The following WDR49 variants were observed in gnomAD, a reference collection of about 807,000 sequenced individuals.
WDR49 encodes WD repeat domain 49, also known as cilia- and flagella-associated protein 337.
Under a neutral mutation model 119.5 loss-of-function variants are expected in WDR49, and 107 were observed. The ratio of observed to expected loss-of-function variants is 0.90; its 90% CI spans 0.77 to 1.05. The LOEUF is 1.05. Ranked by LOEUF, WDR49 falls within the 50% of genes least tolerant of loss-of-function variation. WDR49 has a pLI of 0.00. For synonymous variants in WDR49, 425 were observed against 418.8 expected, an observed-to-expected ratio of 1.01 and a Z score of -0.18; for missense variants, 1,240 against 1,220.5, an observed-to-expected ratio of 1.02 and a Z score of -0.24.
chr3:167,503,481 C>T (rs547296053), intron 17 of WDR49, among the ~76,000 whole-genome samples: 10 of 152,168 alleles, frequency 6.6e-5, no homozygotes, highest in South Asian at 6.2e-4. Context: ...ATGGGCCATG[C>T]GGTGAGTGTT....
chr3:167,545,644 T>C (rs1190235918), intron 10 of WDR49, among the ~76,000 whole-genome samples: 2 of 150,042 alleles, frequency 1.3e-5, no homozygotes, highest in African/African-American at 4.9e-5. Context: ...TTCTCACTTA[T>C]AAGTGGAAGC....
At chr3:167,503,898 G>A (rs1818851) in intron 17 of WDR49, among the ~76,000 whole-genome samples, 8,415 of 152,284 alleles carry the variant, frequency 0.055, 827 homozygotes, top group African/African-American at 0.19. Flanking sequence ...TGTCCCTCCC[G>A]CTGTGCTCTC....
chr3:167,608,474 T>C (rs1324573016), intron 5 of WDR49, among the ~76,000 whole-genome samples: 1 of 152,140 alleles, frequency 6.6e-6, no homozygotes, highest in Admixed American at 6.5e-5. Flanking sequence ...AATCTGCAGG[T>C]TACAAAACGA....
At chr3:167,572,960 G>A (rs898855671) in intron 8 of WDR49, among the ~76,000 whole-genome samples, 18 of 152,190 alleles carry the variant, frequency 1.2e-4, no homozygotes, top group African/African-American at 4.1e-4. Flanking sequence ...GCAGTTCAGG[G>A]TACCCTCCCC....
chr3:167,585,047 T>A (rs1378938951), intron 7 of WDR49, among the ~76,000 whole-genome samples: 1 of 152,050 alleles, frequency 6.6e-6, no homozygotes, highest in African/African-American at 2.4e-5. Flanking sequence ...CATTCAAAAG[T>A]TTTAAATATT....
intron 10 of WDR49, among the ~76,000 whole-genome samples, chr3:167,550,379 G>C (rs1577233539): frequency 6.6e-6 from 1 of 151,956 alleles, no homozygotes; most frequent in Non-Finnish European, 1.5e-5. Flanking sequence ...TTGAGCAGTG[G>C]TTTGTAGTTC....
chr3:167,487,104 C>T (rs1424242418), intron 18 of WDR49, among the ~76,000 whole-genome samples: 1 of 152,046 alleles, frequency 6.6e-6, no homozygotes, highest in Non-Finnish European at 1.5e-5. Context: ...AAGCTAGAGG[C>T]ATCACATTAC....
At chr3:167,563,793 A>G (rs1713422645) in intron 8 of WDR49, among the ~76,000 whole-genome samples, 1 of 152,224 alleles carries the variant, frequency 6.6e-6, no homozygotes, top group South Asian at 2.1e-4. Context: ...AAAATACACA[A>G]GAAGTTGTTG....
At chr3:167,523,649 T>C (rs1292233060) in intron 15 of WDR49, among the ~76,000 whole-genome samples, 3 of 152,162 alleles carry the variant, frequency 2.0e-5, no homozygotes, top group African/African-American at 7.2e-5. Flanking sequence ...ATGTGGTGTT[T>C]GGTTTTCTGT....
intron 2 of WDR49, among the ~76,000 whole-genome samples, chr3:167,638,996 G>A (rs1258492087): frequency 6.6e-6 from 1 of 151,568 alleles, no homozygotes; most frequent in Non-Finnish European, 1.5e-5. Flanking sequence ...CATCACCCCT[G>A]AGAAATATAA....
Position 167,602,185 on chromosome 3 carries a change from A to G in WDR49, c.1217T>C (p.Val406Ala), listed in dbSNP as rs753629404. 3 of 1,607,872 alleles carry G rather than the reference A, an allele frequency of 1.9e-6. No homozygotes were observed. Among genetic ancestry groups the G allele is most frequent in the South Asian group, 2.2e-5 (2 of 90,340 alleles). Reference sequence around the variant, plus strand: ...TTCCACAAAGAATTGGACGGCTATTACACTGGCTGAGTGGCCCCAAAGGAC... The same window carrying G: ...TTCCACAAAGAATTGGACGGCTATTGCACTGGCTGAGTGGCCCCAAAGGAC... ...VGVLWGHSAS[V>A]IAVQFFVERK... The change falls in exon 7 of 19, where the codon GTA becomes GCA. Residue 406 changes from valine to alanine, a missense_variant. Coordinates refer to ENST00000682715, the MANE Select transcript of WDR49 (RefSeq NM_001366157.1).
At chr3:167,517,976 C>T (rs952042898) in intron 16 of WDR49, among the ~76,000 whole-genome samples, 6 of 151,340 alleles carry the variant, frequency 4.0e-5, no homozygotes, top group Non-Finnish European at 7.4e-5. Flanking sequence ...TGAGTGAGAA[C>T]ATGCAGTGTT....
In WDR49 at chr3:167,515,197, TC is replaced by T. The variant is rs1752153408; in HGVS notation, c.2774+7117del. 2.6e-5 allele frequency among the ~76,000 whole-genome samples: 4 copies of T among 152,186 alleles called. No individual in the cohort carries two copies. The South Asian group carries it at 8.3e-4, about 32-fold the overall frequency. On this transcript the variant is annotated intron_variant, in intron 16 of 18. Coordinates refer to ENST00000682715, the MANE Select transcript of WDR49 (RefSeq NM_001366157.1). ...AAAACAAAACAACGAAAAAAGAACT[TC>T]AGCCAATATCCCTGATGAACATTGA...
chr3:167,549,166 T>C (rs553760182), intron 10 of WDR49, among the ~76,000 whole-genome samples: 7 of 152,320 alleles, frequency 4.6e-5, no homozygotes, highest in African/African-American at 1.7e-4. Context: ...TGCGCATGTG[T>C]CTTTATAGCA....
chr3:167,548,725 G>A (rs923854778), intron 10 of WDR49, among the ~76,000 whole-genome samples: 4 of 151,904 alleles, frequency 2.6e-5, no homozygotes, highest in African/African-American at 9.7e-5. Flanking sequence ...TAAGTTCCAT[G>A]GTACATGTGC....
intron 10 of WDR49, among the ~76,000 whole-genome samples, chr3:167,554,365 A>G (rs886427374): frequency 1.3e-5 from 2 of 152,204 alleles, no homozygotes; most frequent in African/African-American, 2.4e-5. Context: ...TTGATTGACT[A>G]TAAAATTTGG....
chr3:167,523,650 G>C (rs1052246952), intron 15 of WDR49, among the ~76,000 whole-genome samples: 2 of 152,016 alleles, frequency 1.3e-5, no homozygotes, highest in Non-Finnish European at 2.9e-5. Flanking sequence ...TGTGGTGTTT[G>C]GTTTTCTGTT....
chr3:167,645,179 T>G (rs1033434198), intron 2 of WDR49, among the ~76,000 whole-genome samples: 1 of 151,730 alleles, frequency 6.6e-6, no homozygotes, highest in East Asian at 1.9e-4. Flanking sequence ...GAGAATAATG[T>G]TACTTTTATT....
chr3:167,568,597 C>A (rs1713748293), intron 8 of WDR49, among the ~76,000 whole-genome samples: 1 of 152,164 alleles, frequency 6.6e-6, no homozygotes, highest in South Asian at 2.1e-4. Context: ...GCAACCACAG[C>A]TGCAGACCTC....
Sources: allele counts gnomAD v4.1 joint callset (sites outside exome capture counted in the v4.1 genomes callset), GRCh38; gene constraint gnomAD v4.1.1; transcripts MANE v1.5; gene names NCBI Gene and HGNC (gene_info 2026-07-23, HGNC 2026-07-21).